Variants in ZNF717 observed in about 807,000 individuals in gnomAD.
ZNF717 encodes the protein zinc finger protein 717.
ZNF717 carries 9 observed loss-of-function variants against 13.8 expected under a neutral mutation model. The ratio of observed to expected loss-of-function variants is 0.65; its 90% confidence interval spans 0.39 to 1.14. The LOEUF (loss-of-function observed/expected upper bound fraction) is 1.14. Ranked by LOEUF, ZNF717 falls within the 50% of genes most tolerant of loss-of-function variation. The pLI is 0.01. For synonymous variants in ZNF717, 327 were observed against 364.1 expected, an observed-to-expected ratio of 0.90 and a Z score of 1.16; for missense variants, 1,040 against 1,080.7, an observed-to-expected ratio of 0.96 and a Z score of 0.53.
intron 2 of ZNF717, among the ~76,000 whole-genome samples, chr3:75,757,393 G>T (rs572055644): frequency 1.3e-5 from 2 of 152,314 alleles, no homozygotes; most frequent in African/African-American, 4.8e-5. Flanking sequence ...AAACAGCTCT[G>T]CCTGTACTCT....
chr3:75,701,563 G>T (rs373565309), intron 6 of ZNF717, among the ~76,000 whole-genome samples: 4,947 of 95,104 alleles, frequency 0.052, no homozygotes, highest in African/African-American at 0.077. Flanking sequence ...GTGCGGGCAG[G>T]TGCCTGTAAT....
At chr3:75,725,123 C>T (rs1179745360), downstream of ZNF717, among the ~76,000 whole-genome samples, 1 of 151,922 alleles carries the variant, frequency 6.6e-6, no homozygotes, top group African/African-American at 2.4e-5. Flanking sequence ...TTCCATGTTT[C>T]CATCAGCCTG....
chr3:75,762,993 C>T (rs1943160074), intron 2 of ZNF717, among the ~76,000 whole-genome samples: 1 of 152,122 alleles, frequency 6.6e-6, no homozygotes, highest in African/African-American at 2.4e-5. Flanking sequence ...TATCCACATG[C>T]AAAACAATGA....
At chr3:75,739,994 T>C (rs1207596410) in intron 4 of ZNF717, among the ~76,000 whole-genome samples, 3 of 152,224 alleles carry the variant, frequency 2.0e-5, no homozygotes, top group Non-Finnish European at 4.4e-5. Flanking sequence ...CCCAGAACCA[T>C]AATAGGCACA....
chr3:75,767,994 C>T (rs1206794864), intron 2 of ZNF717, among the ~76,000 whole-genome samples: 1 of 152,072 alleles, frequency 6.6e-6, no homozygotes, highest in Non-Finnish European at 1.5e-5. Context: ...GGAAAAAGAA[C>T]ATGGAGAATG....
chr3:75,761,825 G>A lies in ZNF717; in HGVS notation c.58-20089C>T, dbSNP rs369259355. 4.6e-5 allele frequency among the ~76,000 whole-genome samples: 7 copies of A among 152,364 alleles called. No individual in the cohort carries two copies. In the East Asian group the frequency reaches 9.7e-4, roughly 21 times the overall value. On this transcript the variant is annotated intron_variant, in intron 2 of 4. Coordinates refer to ENST00000652011, the MANE Select transcript of ZNF717 (RefSeq NM_001290208.3). Reference sequence around the variant, plus strand: ...GGCCAAGGCGGGTGGACCAACTGAGGTCAGGAGTTCGTGACCAGCTGGGCC... The same window carrying A: ...GGCCAAGGCGGGTGGACCAACTGAGATCAGGAGTTCGTGACCAGCTGGGCC...
chr3:75,767,161 G>A (rs1428775181), intron 2 of ZNF717, among the ~76,000 whole-genome samples: 2 of 152,222 alleles, frequency 1.3e-5, no homozygotes, highest in African/African-American at 4.8e-5. Context: ...ACTTCCCTGA[G>A]ACCCCCATGA....
Position 75,737,828 on chromosome 3 carries a change from T to C in ZNF717, c.1795A>G (p.Thr599Ala). 3 of 1,551,134 alleles carry C rather than the reference T, an allele frequency of 1.9e-6. No homozygotes were observed. Among genetic ancestry groups the C allele is most frequent in the Non-Finnish European group, 2.6e-6 (3 of 1,146,826 alleles). ...CCAAGGTTTAACTTATTGATAAAGG[T>C]TTTCTCACATTCATTACATTCATAG... ...KPYECNECEKTFINKLNLGIH... is the reference protein window; with the variant it reads ...KPYECNECEKAFINKLNLGIH... Residue 599 changes from threonine (T) to alanine (A), a missense_variant, in exon 5 of 5, where the codon ACC becomes GCC. Thr to Ala is a moderately conservative substitution (Grantham distance 58). Coordinates refer to ENST00000652011, the MANE Select transcript of ZNF717 (RefSeq NM_001290208.3).
At chr3:75,749,350 T>C (rs1308218269) in intron 2 of ZNF717, among the ~76,000 whole-genome samples, 1 of 151,790 alleles carries the variant, frequency 6.6e-6, no homozygotes, top group African/African-American at 2.4e-5. Context: ...GTTCCAAGTG[T>C]CTGTCCTTCA....
chr3:75,774,220 G>T (rs1004843776), intron 2 of ZNF717, among the ~76,000 whole-genome samples: 9 of 139,496 alleles, frequency 6.5e-5, no homozygotes, highest in African/African-American at 2.3e-4. Flanking sequence ...ACAAGAGGCA[G>T]ATTGTTTGGG....
chr3:75,719,966 T>TAAAA (rs1335915385), intron 4 of ZNF717, among the ~76,000 whole-genome samples: 2 of 75,238 alleles, frequency 2.7e-5, no homozygotes, highest in African/African-American at 6.6e-5. Flanking sequence ...CTCAAAATAA[T>TAAAA]AATAAATAAT....
intron 2 of ZNF717, among the ~76,000 whole-genome samples, chr3:75,761,503 C>A (rs551018740): frequency 1.3e-5 from 2 of 152,328 alleles, no homozygotes; most frequent in South Asian, 4.1e-4. Context: ...CTTCTATTCA[C>A]CACAGTACTG....
chr3:75,774,649 C>T (rs1233387900), intron 2 of ZNF717, among the ~76,000 whole-genome samples: 5 of 101,276 alleles, frequency 4.9e-5, no homozygotes, highest in Non-Finnish European at 7.1e-5. Flanking sequence ...GAGACAGAGT[C>T]TTGCTCTGTC....
In ZNF717 at chr3:75,738,947, T is replaced by A; in HGVS notation, c.676A>T (p.Ile226Leu). ...KTFNTEAMFF[I>L]HKRVHIVQTF... ...TGTACTATATGAACCCTCTTATGTA[T>A]AAAGAACATTGCCTCCGTGTTGAAG... The change falls in exon 5 of 5, where the codon ATA (isoleucine) becomes TTA (leucine). Residue 226 changes from isoleucine to leucine, a missense_variant. By Grantham distance (5) the Ile-to-Leu change is conservative. Transcript: ENST00000652011. 1 of 1,551,554 alleles carries A rather than the reference T, an allele frequency of 6.4e-7. No individual in the cohort carries two copies. Among genetic ancestry groups the A allele is most frequent in the Non-Finnish European group, 8.7e-7 (1 of 1,146,940 alleles).
At chr3:75,714,303 C>T (rs113371050) in intron 5 of ZNF717, among the ~76,000 whole-genome samples, 149 of 151,594 alleles carry the variant, frequency 9.8e-4, no homozygotes, top group African/African-American at 2.9e-3. Context: ...TGCTAGACCA[C>T]GGTCCGCTTA....
At chr3:75,748,534 A>G (rs1308950948) in intron 2 of ZNF717, among the ~76,000 whole-genome samples, 32 of 152,316 alleles carry the variant, frequency 2.1e-4, no homozygotes, top group African/African-American at 7.7e-4. Flanking sequence ...GGCTGGTTCA[A>G]CACATGCAAA....
downstream of ZNF717, chr3:75,732,095 C>T (rs1199070240): frequency 5.7e-6 from 4 of 702,920 alleles, no homozygotes; most frequent in African/African-American, 3.5e-5. Flanking sequence ...TGGCAAATAC[C>T]TGAGAAAACT....
chr3:75,726,753 C>T (rs1938289085), downstream of ZNF717, among the ~76,000 whole-genome samples: 1 of 152,246 alleles, frequency 6.6e-6, no homozygotes, highest in Admixed American at 6.5e-5. Context: ...ATTTTAGTAA[C>T]AAAAATGTAT....
downstream of ZNF717, among the ~76,000 whole-genome samples, chr3:75,726,366 T>C (rs1938280374): frequency 1.3e-5 from 2 of 152,266 alleles, no homozygotes; most frequent in South Asian, 4.1e-4. Flanking sequence ...CTCATGCCTG[T>C]AATTCCAGCA....
Sources: gnomAD v4.1 joint callset for allele counts (sites outside exome capture counted in the v4.1 genomes callset) on GRCh38, gnomAD v4.1.1 for gene constraint, MANE v1.5 for transcripts, NCBI Gene and HGNC (gene_info 2026-07-23, HGNC 2026-07-21) for gene names.